The following TTC39B variants were observed in gnomAD, a reference collection of about 807,000 sequenced individuals.
TTC39B encodes the protein tetratricopeptide repeat protein 39B.
TTC39B carries 92 observed loss-of-function variants against 96.6 expected under a neutral mutation model. That is an observed-to-expected ratio of 0.95 (90% CI 0.80 to 1.13). The LOEUF is 1.13. Ranked by LOEUF, TTC39B falls within the 50% of genes most tolerant of loss-of-function variation. The pLI is 0.00. For synonymous variants in TTC39B, 367 were observed against 299.4 expected (o/e 1.23, Z -2.33); for missense variants, 955 against 809.3 (o/e 1.18, Z -2.18).
chr9:15,305,245 T>C (rs1353586598), intron 1 of TTC39B, among the ~76,000 whole-genome samples: 2 of 152,156 alleles, frequency 1.3e-5, no homozygotes, highest in African/African-American at 4.8e-5. Flanking sequence ...AGAGTTCTTG[T>C]ACCCAGGTCA....
At chr9:15,244,003 T>G (rs1321720642) in intron 2 of TTC39B, among the ~76,000 whole-genome samples, 2 of 152,354 alleles carry the variant, frequency 1.3e-5, no homozygotes, top group East Asian at 3.9e-4. Flanking sequence ...CTGTTTTCCT[T>G]GCCCATAGTC....
At chr9:15,211,185 G>C (rs945130707) in intron 5 of TTC39B, 81 bp downstream of exon 5, 8 of 1,365,972 alleles carry the variant, frequency 5.9e-6, no homozygotes, top group Non-Finnish European at 7.7e-6. Flanking sequence ...CAGAGCTTTT[G>C]GTCAGGCAAA....
At chr9:15,233,083 CG>C (rs1821520330) in intron 2 of TTC39B, among the ~76,000 whole-genome samples, 1 of 152,144 alleles carries the variant, frequency 6.6e-6, no homozygotes, top group Non-Finnish European at 1.5e-5. Flanking sequence ...GACACCCAGC[CG>C]GGCAGTTGGA....
intron 5 of TTC39B, among the ~76,000 whole-genome samples, chr9:15,210,468 G>C (rs1210007193): frequency 6.6e-6 from 1 of 152,210 alleles, no homozygotes; most frequent in Non-Finnish European, 1.5e-5. Context: ...AGTATTTGTG[G>C]TAAAATTCTC....
At chr9:15,192,088 C>T (rs1036459637) in intron 9 of TTC39B, among the ~76,000 whole-genome samples, 2 of 152,212 alleles carry the variant, frequency 1.3e-5, no homozygotes, top group Non-Finnish European at 2.9e-5. Flanking sequence ...CACATTCACT[C>T]ATGTGTATAC....
chr9:15,281,679 T>A (rs1026940805), intron 1 of TTC39B, among the ~76,000 whole-genome samples: 6 of 95,132 alleles, frequency 6.3e-5, no homozygotes, highest in Non-Finnish European at 1.2e-4. Flanking sequence ...CTCTTCTGCA[T>A]TTTTTTTTTC....
At chr9:15,176,287 C>CA (rs947004962) in intron 18 of TTC39B, among the ~76,000 whole-genome samples, 1 of 152,024 alleles carries the variant, frequency 6.6e-6, no homozygotes, top group Non-Finnish European at 1.5e-5. Flanking sequence ...GATTCACATA[C>CA]AAAAAAACAG....
chr9:15,278,227 CT>C (rs1476058943), intron 1 of TTC39B, among the ~76,000 whole-genome samples: 1 of 152,056 alleles, frequency 6.6e-6, no homozygotes, highest in Non-Finnish European at 1.5e-5. Flanking sequence ...TATAGTCAAT[CT>C]TAACATTGAA....
chr9:15,242,210 A>G (rs951258932), intron 2 of TTC39B, among the ~76,000 whole-genome samples: 2 of 152,344 alleles, frequency 1.3e-5, no homozygotes, highest in Admixed American at 6.5e-5. Context: ...ATGAAGGATA[A>G]CATCATTCTC....
At chr9:15,203,761 T>C (rs1819680503) in intron 7 of TTC39B, 62 bp downstream of exon 7, 2 of 1,380,612 alleles carry the variant, frequency 1.4e-6, no homozygotes, top group Admixed American at 4.0e-5. Context: ...TGCACCACAT[T>C]TTTCTATGCA....
chr9:15,263,713 T>G (rs1823023172), intron 2 of TTC39B, among the ~76,000 whole-genome samples: 1 of 152,228 alleles, frequency 6.6e-6, no homozygotes, highest in African/African-American at 2.4e-5. Context: ...AATGGAGGCC[T>G]CTGCTACAAG....
chr9:15,203,745 A>T, intron 7 of TTC39B, 78 bp downstream of exon 7: 1 of 1,168,930 alleles, frequency 8.6e-7, no homozygotes, highest in Non-Finnish European at 1.2e-6. Context: ...AAGCTTTGAC[A>T]TAGAATGCAC....
chr9:15,163,980 T>C (rs1308559970), exon 20 of TTC39B: 2 of 152,218 alleles, frequency 1.3e-5, no homozygotes, highest in Non-Finnish European at 2.9e-5. Flanking sequence ...AGAACACTCA[T>C]TGGGAACAGT....
At chr9:15,265,447 A>T (rs1487895086) in intron 2 of TTC39B, among the ~76,000 whole-genome samples, 1 of 152,210 alleles carries the variant, frequency 6.6e-6, no homozygotes, top group South Asian at 2.1e-4. Flanking sequence ...TCCAATCACC[A>T]GCCCCAAGGC....
chr9:15,259,134 C>T (rs1019102487), intron 2 of TTC39B, among the ~76,000 whole-genome samples: 7 of 152,160 alleles, frequency 4.6e-5, no homozygotes, highest in African/African-American at 1.7e-4. Context: ...TTTCCATTTA[C>T]TATATACCAT....
chr9:15,301,358 T>C (rs1034344986), intron 1 of TTC39B, among the ~76,000 whole-genome samples: 2 of 152,248 alleles, frequency 1.3e-5, no homozygotes, highest in Non-Finnish European at 2.9e-5. Flanking sequence ...TTGCTTGACG[T>C]TGTGCTCCTC....
At chr9:15,305,041 A>G (rs543423266) in intron 1 of TTC39B, among the ~76,000 whole-genome samples, 9 of 152,194 alleles carry the variant, frequency 5.9e-5, no homozygotes, top group African/African-American at 1.9e-4. Context: ...GACTCTTCTT[A>G]AATACGTGAA....
intron 8 of TTC39B, among the ~76,000 whole-genome samples, chr9:15,196,065 C>A (rs1819149220): frequency 6.6e-6 from 1 of 152,342 alleles, no homozygotes; most frequent in South Asian, 2.1e-4. Context: ...CTATTCACAG[C>A]ATGGTTTACT....
intron 2 of TTC39B, among the ~76,000 whole-genome samples, chr9:15,235,048 A>ATAAATAAATAAAT (rs749210643): frequency 0.027 from 4,097 of 150,824 alleles, 71 homozygotes; most frequent in Non-Finnish European, 0.036. Flanking sequence ...TAAATAAAAC[A>ATAAATAAATAAAT]AAAACAAAAC....
Sources: allele counts gnomAD v4.1 joint callset (sites outside exome capture counted in the v4.1 genomes callset), GRCh38; gene constraint gnomAD v4.1.1; transcripts MANE v1.5; gene names NCBI Gene and HGNC (gene_info 2026-07-23, HGNC 2026-07-21).